Variants in PRKCB observed in about 807,000 individuals in gnomAD.
The protein encoded by PRKCB is protein kinase C beta, also known as protein kinase C beta type.
A neutral mutation model predicts 81.5 loss-of-function variants in PRKCB; 13 were observed. The observed-to-expected ratio is 0.16, with a 90% CI of 0.10 to 0.25. The LOEUF is 0.25. Among genes scored for constraint, PRKCB ranks in the 10% least tolerant of loss-of-function variants. PRKCB has a pLI of 1.00. For missense variants in PRKCB, 509 were observed against 875.7 expected, an observed-to-expected ratio of 0.58 and a Z score of 5.29; for synonymous variants, 335 against 321.4, an observed-to-expected ratio of 1.04 and a Z score of -0.45.
chr16:23,856,396 T>C (rs1962567887), intron 2 of PRKCB, among the ~76,000 whole-genome samples: 1 of 152,192 alleles, frequency 6.6e-6, no homozygotes. Context: ...ATGTATGTTT[T>C]TTAAACTGTG....
chr16:24,132,143 T>G (rs892660769), intron 9 of PRKCB, among the ~76,000 whole-genome samples: 1 of 152,126 alleles, frequency 6.6e-6, no homozygotes, highest in African/African-American at 2.4e-5. Context: ...CCCCACCCAC[T>G]CCTTCCTTAT....
intron 13 of PRKCB, among the ~76,000 whole-genome samples, chr16:24,183,876 C>T (rs183414532): frequency 1.3e-3 from 192 of 152,322 alleles, no homozygotes; most frequent in African/African-American, 4.6e-3. Flanking sequence ...TGGACAATCA[C>T]ATAGCTCTTC....
At chr16:24,162,266 C>T (rs1967268634) in intron 10 of PRKCB, among the ~76,000 whole-genome samples, 1 of 151,860 alleles carries the variant, frequency 6.6e-6, no homozygotes, top group African/African-American at 2.4e-5. Context: ...CCTGGTAACT[C>T]GGGCTCAGCT....
At chr16:24,068,040 G>A (rs563356702) in intron 5 of PRKCB, among the ~76,000 whole-genome samples, 11 of 152,018 alleles carry the variant, frequency 7.2e-5, no homozygotes, top group South Asian at 4.2e-4. Context: ...AGCTCACTGT[G>A]TGCTGGTTTA....
At chr16:24,035,927 AG>A (rs1473809108) in intron 5 of PRKCB, among the ~76,000 whole-genome samples, 1 of 152,148 alleles carries the variant, frequency 6.6e-6, no homozygotes, top group Non-Finnish European at 1.5e-5. Flanking sequence ...CTCAGATAGC[AG>A]AGAAGGGAAG....
intron 2 of PRKCB, among the ~76,000 whole-genome samples, chr16:23,918,754 T>C (rs1480179564): frequency 2.0e-5 from 3 of 152,148 alleles, no homozygotes. Context: ...AATCTAAGCA[T>C]CAAGCAATTA....
intron 12 of PRKCB, among the ~76,000 whole-genome samples, chr16:24,175,176 C>T (rs922498609): frequency 1.3e-5 from 2 of 151,954 alleles, no homozygotes; most frequent in Non-Finnish European, 2.9e-5. Flanking sequence ...AAGTCCAGGG[C>T]GTACAATTCT....
chr16:23,868,797 C>T (rs1004688784), intron 2 of PRKCB, among the ~76,000 whole-genome samples: 3 of 152,212 alleles, frequency 2.0e-5, no homozygotes, highest in African/African-American at 7.2e-5. Flanking sequence ...GTACCCATCT[C>T]ACACGAAGCA....
chr16:24,132,771 C>CTTTT (rs750021427), intron 9 of PRKCB, among the ~76,000 whole-genome samples: 14 of 100,940 alleles, frequency 1.4e-4, no homozygotes, highest in East Asian at 5.3e-4. Flanking sequence ...TGATTTGGGG[C>CTTTT]TTTTTTTTTT....
intron 2 of PRKCB, among the ~76,000 whole-genome samples, chr16:23,867,216 C>T (rs1317170720): frequency 1.3e-5 from 2 of 152,158 alleles, no homozygotes; most frequent in Non-Finnish European, 2.9e-5. Context: ...ACCTCCGCCT[C>T]CCAGGTTCAA....
At chr16:24,190,036 G>A (rs893127341) in intron 15 of PRKCB, among the ~76,000 whole-genome samples, 1 of 152,132 alleles carries the variant, frequency 6.6e-6, no homozygotes, top group African/African-American at 2.4e-5. Flanking sequence ...TTTACAAGAG[G>A]AAGCCTGTCT....
chr16:24,094,490 G>T (rs1175820587), intron 7 of PRKCB, among the ~76,000 whole-genome samples, 193 bp downstream of exon 7: 1 of 152,206 alleles, frequency 6.6e-6, no homozygotes, highest in African/African-American at 2.4e-5. Flanking sequence ...AAGAGGCCAG[G>T]CCTCGTGTCT....
chr16:23,988,999 C>T (rs539026986), intron 3 of PRKCB, among the ~76,000 whole-genome samples: 48 of 152,170 alleles, frequency 3.2e-4, no homozygotes, highest in Non-Finnish European at 5.7e-4. Context: ...CTTGCTCTAT[C>T]GCCCAGGCTG....
chr16:24,219,522 G>T lies in PRKCB; in HGVS notation c.*4706G>T. On this transcript the variant is annotated 3_prime_UTR_variant, in exon 17 of 17. Coordinates refer to ENST00000643927, the MANE Select transcript of PRKCB (RefSeq NM_002738.7). ...GCAGTTCACCTTTTCAGAGAAAGAGGTCTTCTAGCCACCTGGGCTGCTACT... is the reference window on the plus strand; with the variant it reads ...GCAGTTCACCTTTTCAGAGAAAGAGTTCTTCTAGCCACCTGGGCTGCTACT... 1.0e-6 allele frequency: 1 copy of T among 988,302 alleles called. No individual in the cohort carries two copies. Among genetic ancestry groups the T allele is most frequent in the Non-Finnish European group, 1.2e-6 (1 of 831,918 alleles). The allele number at this position is 988,302 out of a possible 1,614,324, so 61.2% of individuals were successfully genotyped here.
intron 9 of PRKCB, among the ~76,000 whole-genome samples, chr16:24,141,772 A>T (rs192364564): frequency 1.3e-5 from 2 of 152,306 alleles, no homozygotes; most frequent in Admixed American, 1.3e-4. Context: ...AGGATCCTGG[A>T]GGTCACGTGC....
chr16:23,940,971 T>C (rs566967286), intron 2 of PRKCB, among the ~76,000 whole-genome samples: 1 of 152,304 alleles, frequency 6.6e-6, no homozygotes, highest in South Asian at 2.1e-4. Flanking sequence ...CTCATAGAAC[T>C]AGGATGATAG....
chr16:24,029,071 G>A (rs1296114849), intron 3 of PRKCB, among the ~76,000 whole-genome samples: 4 of 152,166 alleles, frequency 2.6e-5, no homozygotes, highest in Non-Finnish European at 4.4e-5. Context: ...AATTACAGGC[G>A]TGAGCCACTG....
intron 3 of PRKCB, among the ~76,000 whole-genome samples, chr16:24,001,112 C>A (rs1965028923): frequency 6.6e-6 from 1 of 152,054 alleles, no homozygotes; most frequent in African/African-American, 2.4e-5. Context: ...GGAGGAGCCT[C>A]TCCTGCTCTA....
At chr16:24,094,470 A>G (rs1266177405) in intron 7 of PRKCB, among the ~76,000 whole-genome samples, 173 bp downstream of exon 7, 6 of 152,218 alleles carry the variant, frequency 3.9e-5, no homozygotes, top group African/African-American at 1.4e-4. Context: ...TGTACTAAAA[A>G]CAAAAAAGAA....
Sources: gnomAD v4.1 joint callset for allele counts (sites outside exome capture counted in the v4.1 genomes callset) on GRCh38, gnomAD v4.1.1 for gene constraint, MANE v1.5 for transcripts, NCBI Gene and HGNC (gene_info 2026-07-23, HGNC 2026-07-21) for gene names.